Variants in FCRL2 observed in about 807,000 individuals in gnomAD.
FCRL2 encodes Fc receptor-like protein 2.
A neutral mutation model predicts 59.8 loss-of-function variants in FCRL2; 48 were observed. The observed-to-expected ratio is 0.80, with a 90% CI of 0.64 to 1.02. The LOEUF is 1.02. FCRL2 is among the 50% of genes least tolerant of loss of function. The pLI, the probability that FCRL2 is intolerant of heterozygous loss-of-function variation, is 0.00. For missense variants in FCRL2, 658 were observed against 597.3 expected, an observed-to-expected ratio of 1.10 and a Z score of -1.06; for synonymous variants, 251 against 229.5, an observed-to-expected ratio of 1.09 and a Z score of -0.85.
At chr1:157,763,488 G>A (rs1649258786) in intron 7 of FCRL2, among the ~76,000 whole-genome samples, 1 of 152,104 alleles carries the variant, frequency 6.6e-6, no homozygotes, top group Admixed American at 6.5e-5. Context: ...ACACACCATT[G>A]TGCTCCAGCC....
chr1:157,747,189 A>G (rs1647813511), intron 10 of FCRL2, among the ~76,000 whole-genome samples: 1 of 152,206 alleles, frequency 6.6e-6, no homozygotes, highest in Non-Finnish European at 1.5e-5. Flanking sequence ...CTGTTGCAGC[A>G]TTCTGTCAGG....
At chr1:157,747,223 G>A (rs1490787163) in intron 10 of FCRL2, among the ~76,000 whole-genome samples, 2 of 152,098 alleles carry the variant, frequency 1.3e-5, no homozygotes, top group African/African-American at 2.4e-5. Flanking sequence ...CTTTCTCTAT[G>A]TTCCTGAGAT....
intron 10 of FCRL2, 115 bp downstream of exon 10, chr1:157,748,438 A>C: frequency 2.2e-6 from 1 of 449,090 alleles, no homozygotes; most frequent in East Asian, 5.9e-5. Flanking sequence ...ATAGATAGAT[A>C]GACAAATAAA....
intron 7 of FCRL2, among the ~76,000 whole-genome samples, chr1:157,753,610 A>G (rs570462355): frequency 1.3e-5 from 2 of 152,280 alleles, no homozygotes; most frequent in South Asian, 4.1e-4. Flanking sequence ...GCCAAATCCC[A>G]TTGTTTAGGA....
In FCRL2 at chr1:157,767,492, C is replaced by T; in HGVS notation, c.901G>A (p.Val301Ile). 1 of 1,614,222 alleles carries T rather than the reference C, an allele frequency of 6.2e-7. No homozygotes were observed. Among genetic ancestry groups the T allele is most frequent in the Non-Finnish European group, 8.5e-7 (1 of 1,180,038 alleles). Residue 301 changes from valine (V) to isoleucine (I), a missense_variant, in exon 6 of 12, where the codon GTC (valine) becomes ATC (isoleucine). Transcript: ENST00000361516. ...GCCCCAGGAGACCTGAGGGTGAGGACAGGGCGAGACACTGGAACTGACAGA... is the reference window on the plus strand; with the variant it reads ...GCCCCAGGAGACCTGAGGGTGAGGATAGGGCGAGACACTGGAACTGACAGA... ...IPVRIPVSRPVLTLRSPGAQA... is the reference protein window; with the variant it reads ...IPVRIPVSRPILTLRSPGAQA...
At chr1:157,765,635 G>T (rs1295964786) in intron 7 of FCRL2, among the ~76,000 whole-genome samples, 1 of 152,210 alleles carries the variant, frequency 6.6e-6, no homozygotes, top group African/African-American at 2.4e-5. Flanking sequence ...GGACAGCCAA[G>T]AAGCTTGTGC....
chr1:157,767,280 G>A lies in FCRL2; in HGVS notation c.1113C>T (p.Asn371=), dbSNP rs575518970. The A allele has an allele frequency of 2.5e-6, 4 of 1,614,122 alleles. No individual in the cohort carries two copies. In the East Asian group the frequency reaches 8.9e-5, roughly 36 times the overall value. ...CACTGCACTGGGCCCCCAGGCCGTTGTTGGCCTCACAGGAGTAGTTTCCAG... is the reference window on the plus strand; with the variant it reads ...CACTGCACTGGGCCCCCAGGCCGTTATTGGCCTCACAGGAGTAGTTTCCAG... ...EHSGNYSCEA[N]NGLGAQCSEA... is the part of the protein sequence containing the mutation. Residue 371 remains asparagine (N), a synonymous_variant, in exon 6 of 12, where the codon AAC becomes AAT. Transcript: ENST00000361516.
rs769609452 is a variant in FCRL2, at chr1:157,768,602, G to A, written c.695C>T (p.Thr232Ile). 2 of 1,614,142 alleles carry A rather than the reference G, an allele frequency of 1.2e-6. No homozygotes were observed. The highest frequency in any genetic ancestry group is 1.7e-6 in the Non-Finnish European group (2 of 1,180,026). Residue 232 changes from threonine to isoleucine, a missense_variant, in exon 5 of 12, where the codon ACA becomes ATA. Physicochemically the swap from Thr to Ile is moderately conservative, Grantham distance 89 (BLOSUM62 -1). Coordinates refer to ENST00000361516, the MANE Select transcript of FCRL2 (RefSeq NM_030764.4). ...GTACCAGGAGAATGTGACATTTCCT[G>A]TACCCCCAGCCACTGAGCAGAGCAG... ...LILLCSVAGG[T>I]GNVTFSWYRE...
chr1:157,767,417 C>G lies in FCRL2; in HGVS notation c.976G>C (p.Gly326Arg). The change falls in exon 6 of 12, where the codon GGC becomes CGC. Residue 326 changes from glycine (G) to arginine (R), a missense_variant. Coordinates refer to ENST00000361516, the MANE Select transcript of FCRL2 (RefSeq NM_030764.4). Reference sequence around the variant, plus strand: ...AATTGGTACAAGATTGGGGGAGAGCCTCTCAGGGCCTCACAGTGAAGCTCC... The same window carrying G: ...AATTGGTACAAGATTGGGGGAGAGCGTCTCAGGGCCTCACAGTGAAGCTCC... ...LLELHCEALR[G>R]SPPILYQFYH... 7 of 1,614,212 alleles carry G rather than the reference C, an allele frequency of 4.3e-6. No homozygotes were observed. Among genetic ancestry groups the G allele is most frequent in the Non-Finnish European group, 5.9e-6 (7 of 1,180,036 alleles).
chr1:157,748,719 C>G, intron 9 of FCRL2, 101 bp from the exon 10 acceptor site: 2 of 1,230,898 alleles, frequency 1.6e-6, no homozygotes, highest in Non-Finnish European at 2.4e-6. Flanking sequence ...TCCTTCCTCT[C>G]AACCCCAACA....
chr1:157,775,722 T>A, intron 2 of FCRL2, 53 bp downstream of exon 2: 3 of 1,601,910 alleles, frequency 1.9e-6, no homozygotes, highest in Admixed American at 3.3e-5. Context: ...CCTGGGGTAG[T>A]GGGGTGACTG....
At chr1:157,773,354 G>C (rs1650170116) in intron 2 of FCRL2, among the ~76,000 whole-genome samples, 1 of 152,202 alleles carries the variant, frequency 6.6e-6, no homozygotes, top group African/African-American at 2.4e-5. Flanking sequence ...CAGTCTTGAT[G>C]GGGGATGTCT....
chr1:157,763,768 T>C (rs950772874), intron 7 of FCRL2, among the ~76,000 whole-genome samples: 6 of 152,092 alleles, frequency 3.9e-5, no homozygotes, highest in South Asian at 2.1e-4. Context: ...CGGTGGCTCA[T>C]GCCTGTAATC....
intron 10 of FCRL2, 91 bp from the exon 11 acceptor site, chr1:157,746,990 G>T: frequency 7.5e-7 from 1 of 1,334,518 alleles, no homozygotes; most frequent in Non-Finnish European, 1.1e-6. Flanking sequence ...GAACTACTAT[G>T]CTTAGTATGT....
chr1:157,776,868 C>T (rs1380041888), intron 1 of FCRL2, among the ~76,000 whole-genome samples, 175 bp downstream of exon 1: 1 of 152,198 alleles, frequency 6.6e-6, no homozygotes, highest in Non-Finnish European at 1.5e-5. Flanking sequence ...AATGGATGTG[C>T]TGCAAATTCA....
chr1:157,751,333 A>G (rs1648169198), intron 7 of FCRL2, among the ~76,000 whole-genome samples: 1 of 152,168 alleles, frequency 6.6e-6, no homozygotes, highest in Non-Finnish European at 1.5e-5. Flanking sequence ...AGGCTAAGAG[A>G]AGATTTATAT....
intron 2 of FCRL2, among the ~76,000 whole-genome samples, chr1:157,773,120 A>G (rs1471898909): frequency 6.6e-6 from 1 of 152,128 alleles, no homozygotes; most frequent in Admixed American, 6.6e-5. Flanking sequence ...CCCCTCAGCT[A>G]TGTTTTGGAA....
In FCRL2 at chr1:157,769,924, T is replaced by C; in HGVS notation, c.537A>G (p.Ala179=). ...TTCTGATCCTGTGAGTCACCGTTTC[T>C]GCCTTGCACCAGTAAGACCCTGTGT... The part of the protein sequence containing the change: ...SEDTGSYWCK[A]ETVTHRIRKQ... Residue 179 remains alanine (A), a synonymous_variant, in exon 4 of 12, where the codon GCA becomes GCG. Transcript: ENST00000361516. 6.2e-7 allele frequency: 1 copy of C among 1,614,232 alleles called. No homozygotes were observed. The highest frequency in any genetic ancestry group is 1.1e-5 in the South Asian group (1 of 91,090).
intron 7 of FCRL2, among the ~76,000 whole-genome samples, chr1:157,765,782 T>C (rs1285251822): frequency 2.6e-5 from 4 of 152,204 alleles, no homozygotes; most frequent in African/African-American, 9.7e-5. Flanking sequence ...TCTTCACTGA[T>C]ACCTAGGCAA....
Sources: gnomAD v4.1 joint callset for allele counts (sites outside exome capture counted in the v4.1 genomes callset) on GRCh38, gnomAD v4.1.1 for gene constraint, MANE v1.5 for transcripts, NCBI Gene and HGNC (gene_info 2026-07-23, HGNC 2026-07-21) for gene names.